The following SNAP91 variants were observed in gnomAD, a reference collection of about 807,000 sequenced individuals.
SNAP91 encodes clathrin coat assembly protein AP180.
A neutral mutation model predicts 100.3 loss-of-function variants in SNAP91; 27 were observed. The observed-to-expected ratio is 0.27, with a 90% CI of 0.20 to 0.37. The LOEUF (loss-of-function observed/expected upper bound fraction) is 0.37. SNAP91 is among the 10% of genes least tolerant of loss of function. SNAP91 has a pLI of 1.00. For missense variants in SNAP91, 986 were observed against 1,123.7 expected, an observed-to-expected ratio of 0.88 and a Z score of 1.75; for synonymous variants, 404 against 398.6, an observed-to-expected ratio of 1.01 and a Z score of -0.16.
At chr6:83,635,072 T>TA (rs2097372936) in intron 8 of SNAP91, among the ~76,000 whole-genome samples, 1 of 152,208 alleles carries the variant, frequency 6.6e-6, no homozygotes, top group Non-Finnish European at 1.5e-5. Context: ...TGGTGGATCT[T>TA]AGAGTATGTA....
At chr6:83,611,943 G>A (rs561237728) in intron 11 of SNAP91, among the ~76,000 whole-genome samples, 3 of 137,590 alleles carry the variant, frequency 2.2e-5, no homozygotes, top group Admixed American at 8.2e-5. Flanking sequence ...GGATGGTCTC[G>A]ATCTCCTGAC....
chr6:83,685,485 A>G (rs556278774), intron 2 of SNAP91, among the ~76,000 whole-genome samples: 4 of 152,354 alleles, frequency 2.6e-5, no homozygotes. Flanking sequence ...CACTAATTTC[A>G]GCAGGTTGTA....
At chr6:83,646,591 T>A (rs926698007) in intron 7 of SNAP91, among the ~76,000 whole-genome samples, 1 of 152,180 alleles carries the variant, frequency 6.6e-6, no homozygotes, top group Admixed American at 6.5e-5. Context: ...TACCACAATA[T>A]CTTGATTACT....
Position 83,553,585 on chromosome 6 carries a change from T to G in SNAP91, c.*711A>C, listed in dbSNP as rs1773811962. 6.6e-6 allele frequency: 1 copy of G among 152,020 alleles called. No individual in the cohort carries two copies. Among genetic ancestry groups the G allele is most frequent in the South Asian group, 2.1e-4 (1 of 4,830 alleles). The allele number at this position is 152,020 out of a possible 1,614,324, so 9.4% of individuals were successfully genotyped here. A position where few individuals can be genotyped will look rare whatever the true frequency, so the allele number is the denominator to read the frequency against. On this transcript the variant is annotated 3_prime_UTR_variant, in exon 30 of 30. Coordinates refer to ENST00000369694, the MANE Select transcript of SNAP91 (RefSeq NM_001242792.2). ...AGATGCAAAACCTGTCAAATATAAT[T>G]AAAATATATATATTTTAATATAGCA...
intron 11 of SNAP91, among the ~76,000 whole-genome samples, chr6:83,611,206 C>A (rs182512336): frequency 6.6e-6 from 1 of 150,656 alleles, no homozygotes; most frequent in Admixed American, 6.6e-5. Context: ...GTCTGTTTTC[C>A]CCCCCCATGG....
intron 1 of SNAP91, 78 bp from the exon 2 acceptor site, chr6:83,708,035 A>AGCC: frequency 2.3e-6 from 3 of 1,330,566 alleles, no homozygotes; most frequent in Non-Finnish European, 2.9e-6. Flanking sequence ...TGCCTCCTCC[A>AGCC]GCCGCGCGGC....
chr6:83,696,724 T>C (rs2099218105), intron 2 of SNAP91, among the ~76,000 whole-genome samples: 1 of 152,212 alleles, frequency 6.6e-6, no homozygotes, highest in South Asian at 2.1e-4. Context: ...GCCTCCGCTG[T>C]AGTCTTCACC....
intron 23 of SNAP91, among the ~76,000 whole-genome samples, chr6:83,581,703 G>T (rs904494419): frequency 1.3e-5 from 2 of 152,182 alleles, no homozygotes; most frequent in African/African-American, 4.8e-5. Context: ...GTGAAAATTT[G>T]TAGTAAGGAC....
At chr6:83,560,994 C>T (rs376745354) in intron 26 of SNAP91, 47 bp from the exon 27 acceptor site, 21 of 1,205,104 alleles carry the variant, frequency 1.7e-5, no homozygotes, top group African/African-American at 4.7e-5. Context: ...CAAAAACACA[C>T]AAACACATGC....
At chr6:83,622,563 T>C (rs570660385) in intron 9 of SNAP91, among the ~76,000 whole-genome samples, 381 of 152,182 alleles carry the variant, frequency 2.5e-3, no homozygotes, top group African/African-American at 8.8e-3. Flanking sequence ...AATAACATCA[T>C]TGCTAGTTAA....
At chr6:83,571,406 G>A (rs903311743) in intron 26 of SNAP91, among the ~76,000 whole-genome samples, 1 of 152,102 alleles carries the variant, frequency 6.6e-6, no homozygotes, top group African/African-American at 2.4e-5. Flanking sequence ...CCTGGCCCGG[G>A]AGCCCACCTC....
intron 17 of SNAP91, 78 bp from the exon 18 acceptor site, chr6:83,593,819 A>G (rs2094135244): frequency 1.3e-6 from 2 of 1,503,564 alleles, no homozygotes; most frequent in Non-Finnish European, 1.8e-6. Context: ...CTATGGCAAG[A>G]GACACCTTAT....
At position 83,554,128 on chromosome 6, in the gene SNAP91, T is replaced by G. The variant is rs190054022; in HGVS notation, c.*168A>C. The G allele has an allele frequency of 5.7e-6, 1 of 174,912 alleles. No individual in the cohort carries two copies. Among genetic ancestry groups the G allele is most frequent in the Non-Finnish European group, 1.2e-5 (1 of 80,070 alleles). The allele number at this position is 174,912 out of a possible 1,614,324, so 10.8% of individuals were successfully genotyped here. ...GGATAACAGCTAAGGTAGTACATAT[T>G]CCTAATGTTCACTTTCACGGCTGTG... On this transcript the variant is annotated 3_prime_UTR_variant, in exon 30 of 30. Transcript: ENST00000369694.
At chr6:83,641,449 A>T (rs1053894315) in intron 7 of SNAP91, among the ~76,000 whole-genome samples, 1 of 152,206 alleles carries the variant, frequency 6.6e-6, no homozygotes, top group East Asian at 1.9e-4. Context: ...GAACTAAAGT[A>T]GAAGAATATA....
intron 12 of SNAP91, among the ~76,000 whole-genome samples, chr6:83,609,894 T>C (rs899710991): frequency 7.2e-5 from 11 of 152,214 alleles, no homozygotes; most frequent in Non-Finnish European, 1.3e-4. Flanking sequence ...TAAAACATTC[T>C]ACTGATAACA....
rs1474959631 is a variant in SNAP91 at position 83,556,057 on chromosome 6, C to T, written c.*10+86G>A. The stretch of plus-strand genomic sequence containing the variant: ...TACTATTATACACAGCTATTCAAAA[C>T]GCAGAAATAATGAGTACCTCTGAAA... On this transcript the variant is annotated intron_variant, in intron 29 of 29. Coordinates refer to ENST00000369694, the MANE Select transcript of SNAP91 (RefSeq NM_001242792.2). 1.2e-5 allele frequency: 8 copies of T among 675,566 alleles called. No individual in the cohort carries two copies. The African/African-American group carries it at 1.3e-4, about 11-fold the overall frequency. The allele number at this position is 675,566 out of a possible 1,614,324, so 41.8% of individuals were successfully genotyped here. A position where few individuals can be genotyped will look rare whatever the true frequency, so the allele number is the denominator to read the frequency against.
intron 26 of SNAP91, among the ~76,000 whole-genome samples, chr6:83,573,958 T>C (rs1323197331): frequency 6.6e-6 from 1 of 152,210 alleles, no homozygotes; most frequent in Non-Finnish European, 1.5e-5. Context: ...CAATGGGATC[T>C]AATTAAACTA....
chr6:83,683,816 A>G (rs1209770892), intron 2 of SNAP91, among the ~76,000 whole-genome samples: 1 of 152,192 alleles, frequency 6.6e-6, no homozygotes, highest in Non-Finnish European at 1.5e-5. Context: ...CCTAGCTCAG[A>G]TAATGGTACC....
intron 2 of SNAP91, among the ~76,000 whole-genome samples, chr6:83,693,582 C>T (rs939108524): frequency 7.9e-5 from 12 of 152,152 alleles, no homozygotes; most frequent in Non-Finnish European, 1.2e-4. Flanking sequence ...ATATCAGACG[C>T]GATGCTGGAA....
Sources: allele counts gnomAD v4.1 joint callset (sites outside exome capture counted in the v4.1 genomes callset), GRCh38; gene constraint gnomAD v4.1.1; transcripts MANE v1.5; gene names NCBI Gene and HGNC (gene_info 2026-07-23, HGNC 2026-07-21).